PSMD1: variants seen among roughly 807,000 people sequenced by gnomAD.
The protein encoded by PSMD1 is proteasome 26S subunit, non-ATPase 1.
In PSMD1, 18 loss-of-function variants were observed where a neutral mutation model predicts 119.0. That is an observed-to-expected ratio of 0.15 (90% confidence interval 0.10 to 0.22). PSMD1 has a LOEUF of 0.22. PSMD1 is among the 10% of genes least tolerant of loss of function. PSMD1 has a pLI of 1.00. For missense variants in PSMD1, 702 were observed against 1,158.5 expected, an observed-to-expected ratio of 0.61 and a Z score of 5.72; for synonymous variants, 374 against 396.6, an observed-to-expected ratio of 0.94 and a Z score of 0.68.
intron 4 of PSMD1, 24 bp from the exon 5 acceptor site, chr2:231,066,882 T>G: frequency 6.5e-7 from 1 of 1,543,362 alleles, no homozygotes; most frequent in Non-Finnish European, 8.7e-7. Flanking sequence ...TACAAGATAA[T>G]CAGTTATTTT....
chr2:231,153,392 C>G (rs556036891), intron 18 of PSMD1, 172 bp from the exon 19 acceptor site: 7 of 564,536 alleles, frequency 1.2e-5, no homozygotes, highest in African/African-American at 1.2e-4. Context: ...TCATAACACC[C>G]GTGATTGCAA....
intron 16 of PSMD1, among the ~76,000 whole-genome samples, chr2:231,090,508 G>A (rs796685324): frequency 5.3e-5 from 8 of 152,270 alleles, no homozygotes; most frequent in African/African-American, 1.9e-4. Flanking sequence ...GCAGTGAGCT[G>A]AGATCACACC....
intron 23 of PSMD1, among the ~76,000 whole-genome samples, chr2:231,167,173 C>T (rs537766007): frequency 6.6e-6 from 1 of 151,512 alleles, no homozygotes; most frequent in Non-Finnish European, 1.5e-5. Context: ...ACAGAATCAT[C>T]AATGGATACC....
intron 15 of PSMD1, among the ~76,000 whole-genome samples, chr2:231,086,014 A>C (rs1324865060): frequency 6.6e-6 from 1 of 151,836 alleles, no homozygotes; most frequent in Non-Finnish European, 1.5e-5. Context: ...AAAAGCCATA[A>C]TGCAGCTGAA....
chr2:231,152,362 T>C (rs1696394087), intron 18 of PSMD1, among the ~76,000 whole-genome samples: 1 of 152,224 alleles, frequency 6.6e-6, no homozygotes, highest in Non-Finnish European at 1.5e-5. Flanking sequence ...ATTGGTAGGA[T>C]TCTTCCCCCA....
At chr2:231,091,425 T>C (rs1334157063) in intron 16 of PSMD1, among the ~76,000 whole-genome samples, 1 of 152,230 alleles carries the variant, frequency 6.6e-6, no homozygotes, top group Non-Finnish European at 1.5e-5. Flanking sequence ...CCTATAATTT[T>C]TATAACTTTT....
At chr2:231,120,046 G>T (rs946382457) in intron 16 of PSMD1, among the ~76,000 whole-genome samples, 1 of 151,236 alleles carries the variant, frequency 6.6e-6, no homozygotes, top group African/African-American at 2.4e-5. Context: ...CTGTCTTCCG[G>T]GTTCAAGCTA....
intron 7 of PSMD1, among the ~76,000 whole-genome samples, chr2:231,074,515 A>T (rs1348584910): frequency 1.3e-5 from 2 of 151,682 alleles, no homozygotes; most frequent in Non-Finnish European, 2.9e-5. Context: ...TCATTTCTGA[A>T]ATTATTATTT....
chr2:231,096,172 T>C (rs1694719622), intron 16 of PSMD1, among the ~76,000 whole-genome samples: 1 of 152,230 alleles, frequency 6.6e-6, no homozygotes, highest in South Asian at 2.1e-4. Flanking sequence ...GATTGCCTTG[T>C]TGATCTTGCA....
chr2:231,066,862 T>C (rs914166227), intron 4 of PSMD1, 44 bp from the exon 5 acceptor site: 2 of 1,471,878 alleles, frequency 1.4e-6, no homozygotes, highest in African/African-American at 2.8e-5. Flanking sequence ...TCTGATAGTT[T>C]AGCCCAATTT....
At chr2:231,079,675 GAA>G (rs1402929736) in intron 11 of PSMD1, 61 bp downstream of exon 11, 1 of 1,091,742 alleles carries the variant, frequency 9.2e-7, no homozygotes, top group East Asian at 2.6e-5. Context: ...CTGGGGTTAA[GAA>G]AAAATAACAG....
Position 231,080,127 on chromosome 2 carries a change from A to G in PSMD1, c.1240-14A>G, listed in dbSNP as rs763497506. 48 of 1,592,212 alleles carry G rather than the reference A, an allele frequency of 3.0e-5. No homozygotes were observed. The Admixed American group carries it at 8.1e-4, about 27-fold the overall frequency. On this transcript the variant is annotated splice_polypyrimidine_tract_variant and intron_variant, in intron 11 of 24. Coordinates refer to ENST00000308696, the MANE Select transcript of PSMD1 (RefSeq NM_002807.4). ...TTCTCTTTTTGATGTCTTTGTTATG[A>G]CTTACCTTTACAGGGTCATGAAAAA...
intron 4 of PSMD1, among the ~76,000 whole-genome samples, chr2:231,065,535 G>A (rs1309006963): frequency 3.3e-5 from 5 of 151,188 alleles, no homozygotes; most frequent in Non-Finnish European, 7.4e-5. Context: ...TCCTGACCTC[G>A]TGATCCACCC....
intron 19 of PSMD1, among the ~76,000 whole-genome samples, chr2:231,160,241 A>G (rs973132496): frequency 6.6e-6 from 1 of 152,204 alleles, no homozygotes; most frequent in Non-Finnish European, 1.5e-5. Flanking sequence ...CAAGTGTTCA[A>G]ATTCAACCCC....
chr2:231,083,193 A>G (rs1694355725), intron 13 of PSMD1, among the ~76,000 whole-genome samples, 199 bp downstream of exon 13: 1 of 152,216 alleles, frequency 6.6e-6, no homozygotes, highest in African/African-American at 2.4e-5. Context: ...AAAATGGTAT[A>G]TCCTGTGTGT....
intron 17 of PSMD1, among the ~76,000 whole-genome samples, chr2:231,142,290 C>T (rs1326646410): frequency 1.3e-5 from 2 of 152,096 alleles, no homozygotes; most frequent in Non-Finnish European, 2.9e-5. Context: ...TTGGGTATAT[C>T]GAATGTAGTT....
chr2:231,063,145 C>G (rs1693802254), intron 4 of PSMD1, among the ~76,000 whole-genome samples: 1 of 152,090 alleles, frequency 6.6e-6, no homozygotes, highest in Non-Finnish European at 1.5e-5. Flanking sequence ...AAATTTAAAA[C>G]CTGGTTTTAC....
intron 1 of PSMD1, among the ~76,000 whole-genome samples, chr2:231,058,719 A>G (rs564722041): frequency 1.3e-5 from 2 of 151,736 alleles, no homozygotes; most frequent in East Asian, 1.9e-4. Flanking sequence ...CACTCAATAC[A>G]TCCTAATCAC....
intron 16 of PSMD1, chr2:231,123,762 C>G (rs746501027): frequency 6.2e-7 from 1 of 1,611,722 alleles, no homozygotes; most frequent in East Asian, 2.2e-5. Flanking sequence ...AAGAGAGAGC[C>G]ATTTGCTGTT....
Sources: gnomAD v4.1 joint callset for allele counts (sites outside exome capture counted in the v4.1 genomes callset) on GRCh38, gnomAD v4.1.1 for gene constraint, MANE v1.5 for transcripts, NCBI Gene and HGNC (gene_info 2026-07-23, HGNC 2026-07-21) for gene names.